STOX2: variants seen among roughly 807,000 people sequenced by gnomAD.
STOX2 encodes storkhead box 2.
In STOX2, 28 loss-of-function variants were observed where a neutral mutation model predicts 60.9. That is an observed-to-expected ratio of 0.46 (90% CI 0.34 to 0.63). The LOEUF (loss-of-function observed/expected upper bound fraction) is 0.63, where lower values mean the gene tolerates loss of function less well. STOX2 is among the 30% of genes least tolerant of loss of function. STOX2 has a pLI of 0.01. For missense variants in STOX2, 1,024 were observed against 1,187.7 expected (o/e 0.86, Z 2.03); for synonymous variants, 472 against 463.9 (o/e 1.02, Z -0.22).
chr4:183,949,339 T>C (rs576763100), intron 1 of STOX2, among the ~76,000 whole-genome samples: 1 of 143,170 alleles, frequency 7.0e-6, no homozygotes, highest in South Asian at 2.1e-4. Flanking sequence ...ATTTTTTCTC[T>C]TTTTGTCTTT....
At chr4:183,960,258 T>C (rs1743374135) in intron 1 of STOX2, 2 of 152,162 alleles carry the variant, frequency 1.3e-5, no homozygotes, top group African/African-American at 4.8e-5. Flanking sequence ...AGACCTAGAG[T>C]GAATGCTCAG....
chr4:183,986,040 C>T (rs1425024618), intron 1 of STOX2, among the ~76,000 whole-genome samples: 2 of 151,616 alleles, frequency 1.3e-5, no homozygotes, highest in Non-Finnish European at 2.9e-5. Flanking sequence ...CAGTCTGTGG[C>T]ATGCATGAGA....
At chr4:183,943,661 G>A (rs1487803587) in intron 1 of STOX2, among the ~76,000 whole-genome samples, 1 of 152,150 alleles carries the variant, frequency 6.6e-6, no homozygotes, top group African/African-American at 2.4e-5. Context: ...GGCAAATCAC[G>A]AGGTCAGGAG....
At chr4:183,911,003 G>T (rs756512865) in intron 1 of STOX2, among the ~76,000 whole-genome samples, 12 of 152,176 alleles carry the variant, frequency 7.9e-5, no homozygotes, top group Non-Finnish European at 1.6e-4. Flanking sequence ...ATCTGGGCCT[G>T]CCACAAACCA....
At chr4:183,863,826 C>T (rs748240787) in intron 1 of STOX2, among the ~76,000 whole-genome samples, 2 of 152,040 alleles carry the variant, frequency 1.3e-5, no homozygotes, top group Non-Finnish European at 2.9e-5. Flanking sequence ...TTTGTTTGCT[C>T]TTGCCTAGGG....
chr4:183,910,339 GCT>G (rs1410268894), intron 1 of STOX2, among the ~76,000 whole-genome samples: 7 of 152,138 alleles, frequency 4.6e-5, no homozygotes, highest in Non-Finnish European at 8.8e-5. Context: ...TATAATGAAC[GCT>G]TAGTACTTTA....
intron 1 of STOX2, among the ~76,000 whole-genome samples, chr4:183,933,228 G>A (rs1742488503): frequency 6.6e-6 from 1 of 152,142 alleles, no homozygotes; most frequent in Non-Finnish European, 1.5e-5. Flanking sequence ...CACAAATACC[G>A]TGCCTTTCCC....
Position 184,011,472 on chromosome 4 carries a change from G to A in STOX2, c.2585+49G>A, listed in dbSNP as rs756672091. 3.8e-6 allele frequency: 6 copies of A among 1,588,870 alleles called. No homozygotes were observed. The highest frequency in any genetic ancestry group is 5.1e-6 in the Non-Finnish European group (6 of 1,166,254). On this transcript the variant is annotated intron_variant, in intron 3 of 3. Transcript: ENST00000308497. This position sits in a 1 kb window ranked among gnomAD's most constrained non-coding sequence, Gnocchi z 4.4. ...CACACATGCGCCTAGCGGGGCCTGGGGCTTTATGCACGTAACTTGACAAGT... is the reference window on the plus strand; with the variant it reads ...CACACATGCGCCTAGCGGGGCCTGGAGCTTTATGCACGTAACTTGACAAGT...
At chr4:183,932,355 A>G (rs1054459247) in intron 1 of STOX2, among the ~76,000 whole-genome samples, 1 of 22,246 alleles carries the variant, frequency 4.5e-5, no homozygotes, top group Non-Finnish European at 1.6e-4. Flanking sequence ...ATGTATACAT[A>G]CAGTATATGT....
intron 1 of STOX2, among the ~76,000 whole-genome samples, chr4:183,938,839 C>T (rs1221553489): frequency 6.6e-6 from 1 of 152,026 alleles, no homozygotes; most frequent in Non-Finnish European, 1.5e-5. Flanking sequence ...GAATTTTTTC[C>T]AGCCTTGCAC....
chr4:183,849,721 C>G (rs1052788821), intron 1 of STOX2, among the ~76,000 whole-genome samples: 2 of 152,104 alleles, frequency 1.3e-5, no homozygotes, highest in Admixed American at 6.5e-5. Flanking sequence ...ATCCACACAT[C>G]GGGATCAGGA....
At position 183,888,167 on chromosome 4, in the gene STOX2, T is replaced by C. The variant is rs989721562; in HGVS notation, c.364+90112T>C. Among the ~76,000 whole-genome samples, 6 of 152,172 alleles carry C rather than the reference T, an allele frequency of 3.9e-5. No homozygotes were observed. In the East Asian group the frequency reaches 5.8e-4, roughly 15 times the overall value. On this transcript the variant is annotated intron_variant, in intron 1 of 2. Transcript: ENST00000513034. ...GTTGGAGACCTTCAATTGTCTTTCA[T>C]TCCCCTGAGACAGCTTCATGTTTCA...
In STOX2 at chr4:183,849,416, T is replaced by G. The variant is rs28368867; in HGVS notation, c.364+51361T>G. 7.3e-3 allele frequency among the ~76,000 whole-genome samples: 1,105 copies of G among 152,158 alleles called. 9 individuals carry two copies. Among genetic ancestry groups the G allele is most frequent in the African/African-American group, 0.025 (1,053 of 41,484 alleles). ...CAGCCTACTACATATGGATCAGGGG[T>G]TTCCTGTTGGGGTGGGAGAAGGAAG... On this transcript the variant is annotated intron_variant, in intron 1 of 2. Transcript: ENST00000513034.
chr4:183,987,525 C>G (rs368370165), intron 1 of STOX2, among the ~76,000 whole-genome samples: 1 of 152,030 alleles, frequency 6.6e-6, no homozygotes, highest in Non-Finnish European at 1.5e-5. Context: ...AGGGGAGGAA[C>G]CAGCCACCCC....
intron 1 of STOX2, among the ~76,000 whole-genome samples, chr4:183,933,074 A>G (rs1038297583): frequency 2.6e-5 from 4 of 152,158 alleles, no homozygotes; most frequent in East Asian, 1.9e-4. Flanking sequence ...TGCTTTCTGA[A>G]TGGTTTATTA....
intron 1 of STOX2, among the ~76,000 whole-genome samples, chr4:183,979,822 C>T (rs1397877163): frequency 1.3e-5 from 2 of 152,012 alleles, no homozygotes; most frequent in Non-Finnish European, 2.9e-5. Flanking sequence ...AGTTAAAAAT[C>T]CAGATTCTAA....
chr4:184,021,473 A>G lies in STOX2; in HGVS notation c.*4189A>G, dbSNP rs569923695. The G allele has an allele frequency of 2.0e-5, 3 of 152,106 alleles. No homozygotes were observed. In the East Asian group the frequency reaches 5.8e-4, roughly 29 times the overall value. 9.4% of individuals were successfully genotyped at this position (152,106 alleles called of 1,614,324 possible). A position where few individuals can be genotyped will look rare whatever the true frequency, so the allele number is the denominator to read the frequency against. ...AAAAAAAAAGTTCAGGGTGTTTGGA[A>G]TTTTACATCTCAGCACACCTTACTG... On this transcript the variant is annotated 3_prime_UTR_variant, in exon 4 of 4. Coordinates refer to ENST00000308497, the MANE Select transcript of STOX2 (RefSeq NM_020225.3).
intron 1 of STOX2, among the ~76,000 whole-genome samples, chr4:183,923,237 C>T (rs973987183): frequency 1.9e-4 from 29 of 152,310 alleles, no homozygotes; most frequent in African/African-American, 6.7e-4. Flanking sequence ...TTTTGCATAC[C>T]CACCAACGGT....
At chr4:183,887,609 A>C (rs1741113986) in intron 1 of STOX2, among the ~76,000 whole-genome samples, 1 of 152,178 alleles carries the variant, frequency 6.6e-6, no homozygotes, top group Non-Finnish European at 1.5e-5. Flanking sequence ...ATTAGGAGAG[A>C]GCTCTGTTTC....
Sources: allele counts gnomAD v4.1 joint callset (sites outside exome capture counted in the v4.1 genomes callset), GRCh38; gene constraint gnomAD v4.1.1; non-coding constraint Gnocchi (gnomAD v3.1); transcripts MANE v1.5; gene names NCBI Gene and HGNC (gene_info 2026-07-23, HGNC 2026-07-21).